The following RSRP1 variants were observed in gnomAD, a reference collection of about 807,000 sequenced individuals.
RSRP1 encodes arginine and serine rich protein 1.
A neutral mutation model predicts 33.0 loss-of-function variants in RSRP1; 37 were observed. The observed-to-expected ratio is 1.12, with a 90% CI of 0.86 to 1.48. The LOEUF is 1.48. RSRP1 is among the 40% of genes most tolerant of loss of function. RSRP1 has a pLI of 0.00. For missense variants in RSRP1, 402 were observed against 385.3 expected, an observed-to-expected ratio of 1.04 and a Z score of -0.36; for synonymous variants, 167 against 158.7, an observed-to-expected ratio of 1.05 and a Z score of -0.40.
intron 1 of RSRP1, among the ~76,000 whole-genome samples, chr1:25,260,483 C>A (rs1275417510): frequency 6.6e-6 from 1 of 152,152 alleles, no homozygotes. Flanking sequence ...AAGCCACCCT[C>A]CAAACACAGG....
intron 1 of RSRP1, chr1:25,303,582 C>G (rs1448548171): frequency 2.0e-6 from 2 of 1,024,778 alleles, no homozygotes; most frequent in African/African-American, 3.1e-5. Context: ...CTCTTATTGG[C>G]TTCAACGCCT....
intron 1 of RSRP1, among the ~76,000 whole-genome samples, chr1:25,281,112 G>A (rs1465552424): frequency 7.5e-6 from 1 of 132,734 alleles, no homozygotes; most frequent in African/African-American, 2.6e-5. Flanking sequence ...AGATCACTTA[G>A]TGAGGTGAGA....
chr1:25,320,189 C>T (rs1372848098), intron 1 of RSRP1, among the ~76,000 whole-genome samples: 4 of 131,984 alleles, frequency 3.0e-5, no homozygotes, highest in African/African-American at 5.2e-5. Context: ...TAAGCCACTG[C>T]GACCGGCCGA....
rs1344181919 is a variant in RSRP1, at chr1:25,290,122, C to T, written c.-66-43093G>A. On this transcript the variant is annotated intron_variant, in intron 1 of 1. Transcript: ENST00000561867. ...CAGTGGCAAGGCTGGGACTGGAAGC[C>T]GGGCTTGTCCTGATTCCAAATCCAG... Among the ~76,000 whole-genome samples, 11 of 128,082 alleles carry T rather than the reference C, an allele frequency of 8.6e-5. 4 individuals are homozygous for T. The highest frequency in any genetic ancestry group is 1.6e-4 in the Non-Finnish European group (9 of 54,596). The allele number at this position is 128,082 out of a possible 152,430, so 84.0% of individuals were successfully genotyped here. A position where few individuals can be genotyped will look rare whatever the true frequency, so the allele number is the denominator to read the frequency against.
At chr1:25,329,606 T>A (rs1333811046) in intron 1 of RSRP1, 2 of 140,852 alleles carry the variant, frequency 1.4e-5, no homozygotes, top group African/African-American at 5.3e-5. Context: ...ACTGCAATCA[T>A]GTGCTTCATA....
rs768395146 is a variant in RSRP1 at position 25,332,792 on chromosome 1, A to C, written c.-67+5186T>G. Reference sequence around the variant, plus strand: ...AATTCAAACAAAAGTATACGTAGTCAGGGTTCCCCAGAGAGACACAGCCAA... The same window carrying C: ...AATTCAAACAAAAGTATACGTAGTCCGGGTTCCCCAGAGAGACACAGCCAA... On this transcript the variant is annotated intron_variant, in intron 1 of 1. Coordinates refer to the RSRP1 transcript ENST00000561867. 3.0e-5 allele frequency among the ~76,000 whole-genome samples: 4 copies of C among 132,790 alleles called. 1 individual carries two copies. The highest frequency in any genetic ancestry group is 7.1e-5 in the Non-Finnish European group (4 of 56,110). The allele number at this position is 132,790 out of a possible 152,430, so 87.1% of individuals were successfully genotyped here.
chr1:25,253,686 T>G (rs943666832), intron 1 of RSRP1: 1 of 152,232 alleles, frequency 6.6e-6, no homozygotes, highest in East Asian at 1.9e-4. Flanking sequence ...TTCATGGACA[T>G]GCATATGGTT....
intron 1 of RSRP1, among the ~76,000 whole-genome samples, chr1:25,285,716 C>T (rs1457460852): frequency 7.4e-6 from 1 of 135,176 alleles, no homozygotes. Flanking sequence ...AAGCTATACA[C>T]GTTTTAAAAG....
intron 4 of RSRP1, 43 bp from the exon 5 acceptor site, chr1:25,242,748 TAC>T: frequency 7.6e-7 from 1 of 1,316,770 alleles, no homozygotes; most frequent in Non-Finnish European, 1.1e-6. Flanking sequence ...ACATACATTG[TAC>T]ACTTTTTTCA....
In RSRP1 at chr1:25,247,004, T is replaced by A. The variant is rs1227267304; in HGVS notation, c.-41A>T. On this transcript the variant is annotated 5_prime_UTR_variant, in exon 2 of 5. Transcript: ENST00000243189. Reference sequence around the variant, plus strand: ...TAGCCTGCGCTTTCTCCGGAAAGGATCCCGCAAGCCTCAACTCAGGACTTC... The same window carrying A: ...TAGCCTGCGCTTTCTCCGGAAAGGAACCCGCAAGCCTCAACTCAGGACTTC... 8 of 1,513,888 alleles carry A rather than the reference T, an allele frequency of 5.3e-6. No individual in the cohort carries two copies. The highest frequency in any genetic ancestry group is 7.1e-6 in the Non-Finnish European group (8 of 1,127,532). 93.8% of individuals were successfully genotyped at this position (1,513,888 alleles called of 1,614,324 possible).
In RSRP1 at chr1:25,282,979, A is replaced by G. The variant is rs1641633465; in HGVS notation, c.-66-35950T>C. 1.5e-5 allele frequency among the ~76,000 whole-genome samples: 2 copies of G among 132,734 alleles called. 1 individual carries two copies. The highest frequency in any genetic ancestry group is 3.6e-5 in the Non-Finnish European group (2 of 55,930). The allele number at this position is 132,734 out of a possible 152,430, so 87.1% of individuals were successfully genotyped here. On this transcript the variant is annotated intron_variant, in intron 1 of 1. Coordinates refer to the RSRP1 transcript ENST00000561867. ...AAAACACCTCCCAAACTTAGAGACAATATTAATGACGGAAAAAAAATTCTT... is the reference window on the plus strand; with the variant it reads ...AAAACACCTCCCAAACTTAGAGACAGTATTAATGACGGAAAAAAAATTCTT...
At chr1:25,274,745 G>C (rs572823309) in intron 1 of RSRP1, among the ~76,000 whole-genome samples, 1 of 133,980 alleles carries the variant, frequency 7.5e-6, no homozygotes, top group African/African-American at 2.5e-5. Context: ...CGTGGCTCAC[G>C]CCTGTAATCC....
At chr1:25,245,517 A>G (rs1477744413) in intron 2 of RSRP1, among the ~76,000 whole-genome samples, 1 of 152,162 alleles carries the variant, frequency 6.6e-6, no homozygotes, top group African/African-American at 2.4e-5. Flanking sequence ...ATGCAGATAG[A>G]AAGTACCACA....
chr1:25,315,574 G>C (rs1418191087), intron 1 of RSRP1, among the ~76,000 whole-genome samples: 2 of 121,248 alleles, frequency 1.6e-5, no homozygotes, highest in African/African-American at 2.9e-5. Context: ...TCAGCTCACT[G>C]CAAACTCCAC....
intron 4 of RSRP1, 83 bp from the exon 5 acceptor site, chr1:25,242,788 TGTATGA>T: frequency 1.0e-6 from 1 of 959,312 alleles, no homozygotes; most frequent in Non-Finnish European, 1.6e-6. Context: ...AATAATCCCA[TGTATGA>T]GCCTTAGAGA....
chr1:25,246,039 G>A (rs10157176), intron 2 of RSRP1: 12,443 of 163,650 alleles, frequency 0.076, 1,690 homozygotes, highest in African/African-American at 0.28. Flanking sequence ...GAGGTGAGCC[G>A]CCGCGCCCGG....
At chr1:25,258,969 T>C (rs1301484581) in intron 1 of RSRP1, among the ~76,000 whole-genome samples, 1 of 152,188 alleles carries the variant, frequency 6.6e-6, no homozygotes, top group East Asian at 1.9e-4. Flanking sequence ...CACCATTTAT[T>C]ATGCACTGTA....
Position 25,282,298 on chromosome 1 carries a change from G to A in RSRP1, c.-66-35269C>T, listed in dbSNP as rs1436315262. On this transcript the variant is annotated intron_variant, in intron 1 of 1. Coordinates refer to the RSRP1 transcript ENST00000561867. Reference sequence around the variant, plus strand: ...CGCCCAGGCTGGAGTGCAGTGGTGCGGTCTCAGCTCACTGCAACCTCTGCC... The same window carrying A: ...CGCCCAGGCTGGAGTGCAGTGGTGCAGTCTCAGCTCACTGCAACCTCTGCC... Among the ~76,000 whole-genome samples, 71 of 131,116 alleles carry A rather than the reference G, an allele frequency of 5.4e-4. 15 individuals carry two copies. The highest frequency in any genetic ancestry group is 1.6e-3 in the Admixed American group (22 of 13,432). The allele number at this position is 131,116 out of a possible 152,430, so 86.0% of individuals were successfully genotyped here. A position where few individuals can be genotyped will look rare whatever the true frequency, so the allele number is the denominator to read the frequency against.
At chr1:25,270,628 C>T (rs988628491) in intron 1 of RSRP1, among the ~76,000 whole-genome samples, 1 of 131,886 alleles carries the variant, frequency 7.6e-6, no homozygotes, top group African/African-American at 2.6e-5. Context: ...GCTTGGGGAC[C>T]CCTGATCTAG....
Sources: gnomAD v4.1 joint callset for allele counts (sites outside exome capture counted in the v4.1 genomes callset) on GRCh38, gnomAD v4.1.1 for gene constraint, MANE v1.5 for transcripts, NCBI Gene and HGNC (gene_info 2026-07-23, HGNC 2026-07-21) for gene names.